Variants in UVRAG observed in about 807,000 individuals in gnomAD.
UVRAG encodes the protein UV radiation resistance associated.
UVRAG carries 19 observed loss-of-function variants against 78.0 expected under a neutral mutation model. The ratio of observed to expected loss-of-function variants is 0.24; its 90% CI spans 0.17 to 0.36. The LOEUF is 0.36. Ranked by LOEUF, UVRAG falls within the 10% of genes least tolerant of loss-of-function variation. UVRAG has a pLI of 1.00. For missense variants in UVRAG, 740 were observed against 853.8 expected, an observed-to-expected ratio of 0.87 and a Z score of 1.66; for synonymous variants, 323 against 324.6, an observed-to-expected ratio of 1.00 and a Z score of 0.05.
intron 13 of UVRAG, among the ~76,000 whole-genome samples, chr11:76,105,296 T>A (rs1017478768): frequency 6.6e-6 from 1 of 152,092 alleles, no homozygotes; most frequent in Non-Finnish European, 1.5e-5. Context: ...TCCCAGCTAC[T>A]TGGGAGGCTG....
rs1348087819 is a variant in UVRAG at position 76,141,440 on chromosome 11, G to T, written c.*27G>T. On this transcript the variant is annotated 3_prime_UTR_variant, in exon 15 of 15. Transcript: ENST00000356136. ...GTGAGCAGGTCAACAGTAGGACTGG[G>T]GCAGAAGCTCTGCCTAAAATGAAGT... 9 of 1,594,230 alleles carry T rather than the reference G, an allele frequency of 5.6e-6. No homozygotes were observed. Among genetic ancestry groups the T allele is most frequent in the Non-Finnish European group, 1.7e-6 (2 of 1,169,640 alleles).
intron 5 of UVRAG, among the ~76,000 whole-genome samples, chr11:75,898,776 A>G (rs1947414036): frequency 6.6e-6 from 1 of 152,100 alleles, no homozygotes; most frequent in Non-Finnish European, 1.5e-5. Flanking sequence ...TAGTATTTTC[A>G]TTTTCAGGAT....
chr11:75,948,969 C>G (rs947541593), intron 6 of UVRAG, among the ~76,000 whole-genome samples: 2 of 152,134 alleles, frequency 1.3e-5, no homozygotes, highest in Non-Finnish European at 2.9e-5. Context: ...GGAAGATAAA[C>G]TACAATTAGT....
Position 76,143,796 on chromosome 11 carries a change from A to G in UVRAG, c.*2383A>G, listed in dbSNP as rs1952762951. Among the ~76,000 whole-genome samples the G allele has an allele frequency of 6.6e-6, 1 of 152,230 alleles. No individual in the cohort carries two copies. The highest frequency in any genetic ancestry group is 2.4e-5 in the African/African-American group (1 of 41,454). Reference sequence around the variant, plus strand: ...GGGCCAAAATAAGGGATGAGTTATTATCTCCTACTAACCTTTTAGTTTTGT... The same window carrying G: ...GGGCCAAAATAAGGGATGAGTTATTGTCTCCTACTAACCTTTTAGTTTTGT... On this transcript the variant is annotated 3_prime_UTR_variant, in exon 15 of 15. Transcript: ENST00000356136.
chr11:75,989,169 C>T (rs966604255), intron 8 of UVRAG, among the ~76,000 whole-genome samples: 8 of 152,210 alleles, frequency 5.3e-5, no homozygotes, highest in South Asian at 4.1e-4. Flanking sequence ...ACTCTCCTGC[C>T]TCAGCCTCCT....
intron 7 of UVRAG, among the ~76,000 whole-genome samples, chr11:75,982,958 C>T (rs939021803): frequency 1.3e-5 from 2 of 152,058 alleles, no homozygotes; most frequent in African/African-American, 4.8e-5. Context: ...ATGAGTAATG[C>T]TGCTATGAAC....
intron 13 of UVRAG, among the ~76,000 whole-genome samples, chr11:76,092,150 C>T (rs1167317385): frequency 6.6e-6 from 1 of 152,152 alleles, no homozygotes; most frequent in Non-Finnish European, 1.5e-5. Flanking sequence ...ATCCATGTCC[C>T]TACAAAGGAC....
At chr11:75,866,622 A>C (rs1290882318) in intron 3 of UVRAG, among the ~76,000 whole-genome samples, 1 of 152,070 alleles carries the variant, frequency 6.6e-6, no homozygotes, top group Non-Finnish European at 1.5e-5. Flanking sequence ...AGTCTCATTT[A>C]TAAATCCATA....
At chr11:76,001,336 A>C (rs1218367404) in intron 8 of UVRAG, among the ~76,000 whole-genome samples, 1 of 152,242 alleles carries the variant, frequency 6.6e-6, no homozygotes, top group Non-Finnish European at 1.5e-5. Context: ...ATAGCATTTC[A>C]TGCCAATATT....
intron 7 of UVRAG, among the ~76,000 whole-genome samples, chr11:75,969,733 G>C (rs1565404264): frequency 6.6e-6 from 1 of 152,176 alleles, no homozygotes; most frequent in Non-Finnish European, 1.5e-5. Context: ...TGTCAGGGAT[G>C]AGTAAGAAAG....
In UVRAG at chr11:75,896,257, C is replaced by T. The variant is rs566087866; in HGVS notation, c.507+7354C>T. 2.6e-5 allele frequency among the ~76,000 whole-genome samples: 4 copies of T among 152,104 alleles called. No individual in the cohort carries two copies. The East Asian group carries it at 7.7e-4, about 29-fold the overall frequency. ...CTTTAGAGATTTCTACAGGGGTTTT[C>T]TAGGTGGGTTTAACCGCTATGATGG... On this transcript the variant is annotated intron_variant, in intron 5 of 14. Transcript: ENST00000356136.
intron 1 of UVRAG, among the ~76,000 whole-genome samples, chr11:75,849,937 G>A (rs1449277270): frequency 1.3e-5 from 2 of 152,252 alleles, no homozygotes; most frequent in African/African-American, 4.8e-5. Context: ...AGCAAGGTGG[G>A]AGTGGGCCTT....
At chr11:76,012,792 A>C (rs1950073808) in intron 11 of UVRAG, 1 of 139,084 alleles carries the variant, frequency 7.2e-6, no homozygotes, top group South Asian at 2.5e-4. Flanking sequence ...TTAAAAAAAA[A>C]ATGTTTGTGT....
At chr11:76,014,435 A>G (rs141085425) in intron 11 of UVRAG, among the ~76,000 whole-genome samples, 68 of 152,360 alleles carry the variant, frequency 4.5e-4, no homozygotes, top group African/African-American at 1.6e-3. Context: ...AACTTAGCAT[A>G]GTATTATCTG....
intron 1 of UVRAG, among the ~76,000 whole-genome samples, chr11:75,828,807 T>TA (rs1945592419): frequency 2.3e-5 from 3 of 131,954 alleles, no homozygotes; most frequent in Non-Finnish European, 4.8e-5. Context: ...ATATATATAT[T>TA]TTTTTTTTTT....
intron 6 of UVRAG, among the ~76,000 whole-genome samples, chr11:75,918,335 G>A (rs1349037140): frequency 6.6e-6 from 1 of 150,486 alleles, no homozygotes; most frequent in African/African-American, 2.5e-5. Context: ...CCGAGATCGC[G>A]CCGCTGCTCT....
At chr11:75,993,616 A>G (rs1949653497) in intron 8 of UVRAG, among the ~76,000 whole-genome samples, 4 of 152,130 alleles carry the variant, frequency 2.6e-5, no homozygotes, top group Admixed American at 2.6e-4. Flanking sequence ...ACTCTATCAA[A>G]ATTAGTTTGC....
At chr11:75,962,807 C>T (rs1424410171) in intron 7 of UVRAG, among the ~76,000 whole-genome samples, 3 of 152,030 alleles carry the variant, frequency 2.0e-5, no homozygotes, top group Admixed American at 6.6e-5. Context: ...TTTCCTCTCC[C>T]AAGGAAAGAC....
chr11:76,140,733 G>A lies in UVRAG; in HGVS notation c.1420G>A (p.Ala474Thr). The A allele has an allele frequency of 6.3e-7, 1 of 1,599,416 alleles. No individual in the cohort carries two copies. ...VRCDRHHTSS[A>T]IPVPKRQSSI... ...TAGTGACAGACATCACACCTCCAGT[G>A]CAATCCCTGTTCCTAAGAGACAAAG... Residue 474 changes from alanine (A) to threonine (T), a missense_variant, in exon 15 of 15, where the codon GCA (alanine) becomes ACA (threonine). By Grantham distance (58) the Ala-to-Thr change is moderately conservative (BLOSUM62 0). Coordinates refer to ENST00000356136, the MANE Select transcript of UVRAG (RefSeq NM_003369.4).
Sources: gnomAD v4.1 joint callset for allele counts (sites outside exome capture counted in the v4.1 genomes callset) on GRCh38, gnomAD v4.1.1 for gene constraint, MANE v1.5 for transcripts, NCBI Gene and HGNC (gene_info 2026-07-23, HGNC 2026-07-21) for gene names.